Variants in LPP observed in about 807,000 individuals in gnomAD.
LPP encodes LIM domain containing preferred translocation partner in lipoma.
In LPP, 38 loss-of-function variants were observed where a neutral mutation model predicts 60.4. The observed-to-expected ratio is 0.63, with a 90% CI of 0.49 to 0.83. The LOEUF (loss-of-function observed/expected upper bound fraction) is 0.83, where lower values mean the gene tolerates loss of function less well. LPP is among the 40% of genes least tolerant of loss of function. The probability of loss-of-function intolerance (pLI) is 0.00; values close to 1 mark genes in which losing one functional copy is unlikely to be tolerated. For missense variants in LPP, 902 were observed against 783.6 expected (o/e 1.15, Z -1.80); for synonymous variants, 328 against 290.8 (o/e 1.13, Z -1.30).
At chr3:188,698,447 G>A (rs937964414) in intron 7 of LPP, among the ~76,000 whole-genome samples, 1 of 151,900 alleles carries the variant, frequency 6.6e-6, no homozygotes, top group African/African-American at 2.4e-5. Flanking sequence ...GTGGAAATAG[G>A]TTCTTTTAGT....
At chr3:188,814,191 G>C (rs1260722372) in intron 9 of LPP, among the ~76,000 whole-genome samples, 1 of 152,166 alleles carries the variant, frequency 6.6e-6, no homozygotes, top group Non-Finnish European at 1.5e-5. Flanking sequence ...AGATGCTAAA[G>C]GACCTTTAGT....
At chr3:188,293,010 A>G (rs1746544354) in intron 2 of LPP, among the ~76,000 whole-genome samples, 1 of 152,220 alleles carries the variant, frequency 6.6e-6, no homozygotes, top group Non-Finnish European at 1.5e-5. Flanking sequence ...AAGGTTAGAA[A>G]TGAAATCACC....
intron 7 of LPP, among the ~76,000 whole-genome samples, chr3:188,612,615 T>G (rs1843960622): frequency 6.6e-6 from 1 of 152,208 alleles, no homozygotes; most frequent in Non-Finnish European, 1.5e-5. Context: ...AAAGGCTGAA[T>G]AATTGCCAAG....
At chr3:188,584,715 CTCTT>C (rs1367200292) in intron 6 of LPP, among the ~76,000 whole-genome samples, 2 of 151,868 alleles carry the variant, frequency 1.3e-5, no homozygotes, top group East Asian at 1.9e-4. Flanking sequence ...TTGCTTGTCT[CTCTT>C]TCTTCTTCTT....
At chr3:188,268,125 T>C (rs1736285985) in intron 2 of LPP, among the ~76,000 whole-genome samples, 1 of 149,632 alleles carries the variant, frequency 6.7e-6, no homozygotes, top group Admixed American at 6.8e-5. Context: ...TACCTGCACG[T>C]GACACTCTGC....
rs1769453228 is a variant in LPP at position 188,878,038 on chromosome 3, A to G, written c.*3559A>G. 4.6e-6 allele frequency: 1 copy of G among 217,888 alleles called. No homozygotes were observed. The highest frequency in any genetic ancestry group is 9.3e-6 in the Non-Finnish European group (1 of 108,098). 13.5% of individuals were successfully genotyped at this position (217,888 alleles called of 1,614,324 possible). On this transcript the variant is annotated 3_prime_UTR_variant, in exon 12 of 12. Coordinates refer to ENST00000617246, the MANE Select transcript of LPP (RefSeq NM_001375462.1). ...CTCTACATTTAAACAAGTATTTTATATTTGGGTACAGAGGAAGAAAGAGAG... is the reference window on the plus strand; with the variant it reads ...CTCTACATTTAAACAAGTATTTTATGTTTGGGTACAGAGGAAGAAAGAGAG...
intron 3 of LPP, among the ~76,000 whole-genome samples, chr3:188,343,966 G>A (rs1002094492): frequency 2.0e-5 from 3 of 152,168 alleles, no homozygotes; most frequent in Non-Finnish European, 2.9e-5. Context: ...TGCTCTCAAC[G>A]TTGATCCACT....
chr3:188,674,232 C>T (rs1275711535), intron 7 of LPP, among the ~76,000 whole-genome samples: 1 of 152,162 alleles, frequency 6.6e-6, no homozygotes, highest in African/African-American at 2.4e-5. Flanking sequence ...TAGATGGAAG[C>T]TTTATATCTC....
At chr3:188,856,156 C>T (rs1013701852) in intron 9 of LPP, among the ~76,000 whole-genome samples, 1 of 152,124 alleles carries the variant, frequency 6.6e-6, no homozygotes, top group Non-Finnish European at 1.5e-5. Flanking sequence ...GCAAACTAGA[C>T]AGAGAACTGT....
chr3:188,480,569 C>G, intron 4 of LPP, among the ~76,000 whole-genome samples: 1 of 152,224 alleles, frequency 6.6e-6, no homozygotes, highest in Middle Eastern at 3.2e-3. Context: ...TATGACCACT[C>G]TACTGCTTCT....
intron 5 of LPP, among the ~76,000 whole-genome samples, chr3:188,495,084 T>TATATATATATATATATATATA (rs61034825): frequency 1.3e-4 from 2 of 15,502 alleles, no homozygotes; most frequent in Non-Finnish European, 3.2e-4. Context: ...ATATATATAT[T>TATATATATATATATATATATA]TTATTTATAT....
chr3:188,846,547 G>T (rs1161683605), intron 9 of LPP, among the ~76,000 whole-genome samples: 1 of 151,998 alleles, frequency 6.6e-6, no homozygotes, highest in Non-Finnish European at 1.5e-5. Flanking sequence ...AGGCGGGCAT[G>T]GTGGCGGGCA....
intron 4 of LPP, among the ~76,000 whole-genome samples, chr3:188,474,375 G>A (rs980059597): frequency 9.9e-5 from 15 of 151,708 alleles, no homozygotes; most frequent in Non-Finnish European, 1.8e-4. Flanking sequence ...CATTATCATT[G>A]ACATGTCATT....
intron 7 of LPP, among the ~76,000 whole-genome samples, chr3:188,622,839 C>T (rs376039462): frequency 1.3e-5 from 2 of 152,040 alleles, no homozygotes; most frequent in East Asian, 1.9e-4. Flanking sequence ...ACCAGCCTGA[C>T]CAACATGGTG....
chr3:188,633,478 C>T (rs1392419271), intron 7 of LPP, among the ~76,000 whole-genome samples: 4 of 152,218 alleles, frequency 2.6e-5, no homozygotes, highest in Non-Finnish European at 5.9e-5. Context: ...ATGAGAATGG[C>T]TGTGAACTAC....
At chr3:188,498,160 T>C (rs1042160179) in intron 5 of LPP, among the ~76,000 whole-genome samples, 2 of 152,130 alleles carry the variant, frequency 1.3e-5, no homozygotes, top group African/African-American at 4.8e-5. Context: ...GTTCTTTTTT[T>C]TCCCCCCCAG....
intron 2 of LPP, among the ~76,000 whole-genome samples, chr3:188,318,753 C>CT (rs10708836): frequency 0.033 from 3,225 of 96,758 alleles, 119 homozygotes; most frequent in African/African-American, 0.055. Context: ...AATTATGATT[C>CT]TTTTTTTTTT....
At chr3:188,568,149 A>G (rs1041326678) in intron 6 of LPP, 8 of 151,984 alleles carry the variant, frequency 5.3e-5, no homozygotes, top group Non-Finnish European at 2.9e-5. Flanking sequence ...TAAATTGGTC[A>G]TTTGTAGAAA....
intron 7 of LPP, among the ~76,000 whole-genome samples, chr3:188,645,059 C>T (rs562029855): frequency 2.6e-5 from 4 of 152,132 alleles, no homozygotes; most frequent in Non-Finnish European, 4.4e-5. Context: ...ATGAGAAATA[C>T]ATGTGAATAC....
Sources: gnomAD v4.1 joint callset for allele counts (sites outside exome capture counted in the v4.1 genomes callset) on GRCh38, gnomAD v4.1.1 for gene constraint, MANE v1.5 for transcripts, NCBI Gene and HGNC (gene_info 2026-07-23, HGNC 2026-07-21) for gene names.